CNTNAP2: variants seen among roughly 807,000 people sequenced by gnomAD.
CNTNAP2 encodes the protein contactin associated protein 2, also known as contactin-associated protein-like 2.
A neutral mutation model predicts 155.2 loss-of-function variants in CNTNAP2; 98 were observed. The ratio of observed to expected loss-of-function variants is 0.63; its 90% CI spans 0.54 to 0.75. The LOEUF (loss-of-function observed/expected upper bound fraction) is 0.75, where lower values mean the gene tolerates loss of function less well. CNTNAP2 is among the 30% of genes least tolerant of loss of function. The probability of loss-of-function intolerance (pLI) is 0.00; values close to 1 mark genes in which losing one functional copy is unlikely to be tolerated. For missense variants in CNTNAP2, 1,727 were observed against 1,688.1 expected, an observed-to-expected ratio of 1.02 and a Z score of -0.40; for synonymous variants, 651 against 631.2, an observed-to-expected ratio of 1.03 and a Z score of -0.47.
intron 1 of CNTNAP2, among the ~76,000 whole-genome samples, chr7:146,398,182 A>G (rs983635248): frequency 9.1e-6 from 1 of 109,980 alleles, no homozygotes; most frequent in African/African-American, 4.9e-5. Flanking sequence ...CCCGGCCCCA[A>G]ACTTTTTTTT....
At chr7:146,968,090 C>T (rs1432851298) in intron 3 of CNTNAP2, among the ~76,000 whole-genome samples, 2 of 150,844 alleles carry the variant, frequency 1.3e-5, no homozygotes, top group East Asian at 3.8e-4. Context: ...GTCTTTGGTT[C>T]TGTTTATATG....
intron 21 of CNTNAP2, among the ~76,000 whole-genome samples, chr7:148,314,864 C>T (rs1797659482): frequency 6.6e-6 from 1 of 152,190 alleles, no homozygotes; most frequent in South Asian, 2.1e-4. Context: ...GGAAGACTGT[C>T]TTCCCCAGTC....
At chr7:146,498,205 G>A (rs142332516) in intron 1 of CNTNAP2, among the ~76,000 whole-genome samples, 3 of 152,212 alleles carry the variant, frequency 2.0e-5, no homozygotes, top group African/African-American at 7.2e-5. Flanking sequence ...TTAAAGATGG[G>A]AAAGGATATC....
chr7:146,899,635 A>G (rs1204107438), intron 3 of CNTNAP2, among the ~76,000 whole-genome samples: 1 of 152,194 alleles, frequency 6.6e-6, no homozygotes, highest in Non-Finnish European at 1.5e-5. Flanking sequence ...AGTTCTGCTC[A>G]AACCAATTCC....
intron 12 of CNTNAP2, among the ~76,000 whole-genome samples, chr7:147,610,501 A>G (rs1245829225): frequency 2.6e-5 from 4 of 152,266 alleles, no homozygotes; most frequent in Non-Finnish European, 4.4e-5. Context: ...AGCAACCAGC[A>G]TGCCACAGTG....
chr7:148,181,741 C>CTTTTTTTTTTT lies in CNTNAP2; in HGVS notation c.3010+9287_3010+9297dup, dbSNP rs71527884. On this transcript the variant is annotated intron_variant, in intron 18 of 23. Transcript: ENST00000361727. ...ATAACTTTTGTTTCAAGTGTGTGCC[C>CTTTTTTTTTTT]TTTTTTTTTTTTTTTTTTTTTTTTT... is the stretch of plus-strand genomic sequence containing the variant. 6.0e-4 allele frequency among the ~76,000 whole-genome samples: 29 copies of CTTTTTTTTTTT among 48,662 alleles called. 5 individuals are homozygous for CTTTTTTTTTTT. The highest frequency in any genetic ancestry group is 1.5e-3 in the East Asian group (2 of 1,368). 31.9% of individuals were successfully genotyped at this position (48,662 alleles called of 152,430 possible). A position where few individuals can be genotyped will look rare whatever the true frequency, so the allele number is the denominator to read the frequency against.
chr7:147,225,787 G>T (rs1229014599), intron 8 of CNTNAP2, among the ~76,000 whole-genome samples: 1 of 128,042 alleles, frequency 7.8e-6, no homozygotes, highest in Non-Finnish European at 1.7e-5. Flanking sequence ...AGGAAGGAAG[G>T]AAGGAAGGAA....
intron 1 of CNTNAP2, among the ~76,000 whole-genome samples, chr7:146,382,619 A>T (rs1355800854): frequency 6.6e-6 from 1 of 152,190 alleles, no homozygotes. Flanking sequence ...GATAAGTAAC[A>T]TTTAAAAATT....
intron 14 of CNTNAP2, among the ~76,000 whole-genome samples, chr7:147,954,639 AT>A (rs1367902104): frequency 6.6e-6 from 1 of 152,152 alleles, no homozygotes; most frequent in Non-Finnish European, 1.5e-5. Flanking sequence ...AATAATTGCT[AT>A]TTGAATGCTA....
intron 13 of CNTNAP2, among the ~76,000 whole-genome samples, chr7:147,836,626 T>G (rs759557800): frequency 6.6e-6 from 1 of 152,230 alleles, no homozygotes; most frequent in African/African-American, 2.4e-5. Flanking sequence ...AATTTTTCAT[T>G]TATATTTCTG....
intron 8 of CNTNAP2, among the ~76,000 whole-genome samples, chr7:147,295,814 A>AT (rs1805431375): frequency 6.6e-6 from 1 of 152,188 alleles, no homozygotes; most frequent in Non-Finnish European, 1.5e-5. Flanking sequence ...TAACATTAAA[A>AT]TTTCAAAATA....
intron 13 of CNTNAP2, among the ~76,000 whole-genome samples, chr7:147,642,468 C>G (rs1181611020): frequency 1.3e-5 from 2 of 151,900 alleles, no homozygotes; most frequent in African/African-American, 2.4e-5. Context: ...CTTTCTTTCC[C>G]CCTCATTGAC....
rs147055079 is a variant in CNTNAP2 at position 147,126,487 on chromosome 7, A to T, written c.940-2206A>T. Among the ~76,000 whole-genome samples, 1,443 of 152,156 alleles carry T rather than the reference A, an allele frequency of 9.5e-3. 26 individuals carry two copies. Among genetic ancestry groups the T allele is most frequent in the African/African-American group, 0.032 (1,340 of 41,518 alleles). ...AGAATTTTATTTTATTATTATTAAT[A>T]TTTGAGACGGACTCTTTCTCTGTAT... On this transcript the variant is annotated intron_variant, in intron 6 of 23. Coordinates refer to ENST00000361727, the MANE Select transcript of CNTNAP2 (RefSeq NM_014141.6).
chr7:146,399,071 G>A (rs1795675974), intron 1 of CNTNAP2, among the ~76,000 whole-genome samples: 1 of 107,464 alleles, frequency 9.3e-6, no homozygotes, highest in Admixed American at 9.1e-5. Flanking sequence ...AGAACGTTTT[G>A]ACAAATAAAC....
chr7:146,833,339 C>T (rs1162185146), intron 2 of CNTNAP2, among the ~76,000 whole-genome samples: 1 of 152,074 alleles, frequency 6.6e-6, no homozygotes, highest in African/African-American at 2.4e-5. Flanking sequence ...GCATGTTCTT[C>T]TTGACAGCCA....
intron 3 of CNTNAP2, among the ~76,000 whole-genome samples, chr7:146,888,269 A>G (rs1406361347): frequency 6.6e-6 from 1 of 152,108 alleles, no homozygotes; most frequent in Admixed American, 6.6e-5. Context: ...TGAATAGTAG[A>G]ACTCGTGTGG....
chr7:146,201,744 G>A (rs1295480801), intron 1 of CNTNAP2, among the ~76,000 whole-genome samples: 8 of 151,362 alleles, frequency 5.3e-5, no homozygotes, highest in African/African-American at 1.9e-4. Context: ...CATTGTGTTT[G>A]GAATCATACA....
At position 147,088,869 on chromosome 7, in the gene CNTNAP2, C is replaced by T. The variant is rs560755166; in HGVS notation, c.551-19278C>T. On this transcript the variant is annotated intron_variant, in intron 4 of 23. Coordinates refer to ENST00000361727, the MANE Select transcript of CNTNAP2 (RefSeq NM_014141.6). ...TGAGGCAGGAAGATTGCTTGAGCCC[C>T]GGAGTTCAAGGCTGCAGTGGGCTGT... is the stretch of plus-strand genomic sequence containing the variant. Among the ~76,000 whole-genome samples, 15 of 152,098 alleles carry T rather than the reference C, an allele frequency of 9.9e-5. No individual in the cohort carries two copies. In the South Asian group the frequency reaches 1.2e-3, roughly 13 times the overall value.
chr7:147,322,447 G>A (rs912251666), intron 9 of CNTNAP2, among the ~76,000 whole-genome samples: 9 of 152,122 alleles, frequency 5.9e-5, no homozygotes, highest in African/African-American at 7.2e-5. Flanking sequence ...TATTCCCTCC[G>A]TGAGCAAATC....
Sources: allele counts gnomAD v4.1 joint callset (sites outside exome capture counted in the v4.1 genomes callset), GRCh38; gene constraint gnomAD v4.1.1; transcripts MANE v1.5; gene names NCBI Gene and HGNC (gene_info 2026-07-23, HGNC 2026-07-21).